The following MNAT1 variants were observed in gnomAD, a reference collection of about 807,000 sequenced individuals.
The protein encoded by MNAT1 is CDK-activating kinase assembly factor MAT1.
In MNAT1, 43 loss-of-function variants were observed where a neutral mutation model predicts 42.0. That is an observed-to-expected ratio of 1.02 (90% confidence interval 0.80 to 1.32). The LOEUF is 1.32. Ranked by LOEUF, MNAT1 falls within the 40% of genes most tolerant of loss-of-function variation. The pLI is 0.00. For synonymous variants in MNAT1, 118 were observed against 120.0 expected (o/e 0.98, Z 0.11); for missense variants, 306 against 350.4 (o/e 0.87, Z 1.01).
chr14:60,837,412 T>A (rs1174903854), intron 6 of MNAT1, among the ~76,000 whole-genome samples: 1 of 152,178 alleles, frequency 6.6e-6, no homozygotes, highest in Admixed American at 6.5e-5. Flanking sequence ...GCATAGTATC[T>A]TGGCTGGAGG....
intron 7 of MNAT1, among the ~76,000 whole-genome samples, chr14:60,952,485 A>G (rs932692207): frequency 3.3e-5 from 5 of 152,186 alleles, no homozygotes; most frequent in African/African-American, 1.2e-4. Flanking sequence ...AAATACGGTA[A>G]CAATAGTGGC....
chr14:60,805,304 T>C (rs1215262952), intron 3 of MNAT1, among the ~76,000 whole-genome samples: 2 of 152,052 alleles, frequency 1.3e-5, no homozygotes, highest in Non-Finnish European at 2.9e-5. Context: ...AGAATTCCTA[T>C]ATATCTCTTC....
intron 6 of MNAT1, among the ~76,000 whole-genome samples, chr14:60,876,428 A>G (rs1191897217): frequency 6.6e-6 from 1 of 152,120 alleles, no homozygotes; most frequent in African/African-American, 2.4e-5. Context: ...GGTAAAATAC[A>G]TGTAACATAA....
At chr14:60,908,601 C>A (rs2035270616) in intron 7 of MNAT1, among the ~76,000 whole-genome samples, 1 of 151,908 alleles carries the variant, frequency 6.6e-6, no homozygotes, top group Admixed American at 6.6e-5. Context: ...CGATAGTTTG[C>A]TGAGAATGAT....
At chr14:60,781,554 C>T (rs2031460330) in intron 1 of MNAT1, among the ~76,000 whole-genome samples, 1 of 152,068 alleles carries the variant, frequency 6.6e-6, no homozygotes, top group Non-Finnish European at 1.5e-5. Flanking sequence ...TCAGCCTTGG[C>T]CCCCACAAAG....
At chr14:60,939,846 A>C (rs551626631) in intron 7 of MNAT1, among the ~76,000 whole-genome samples, 2 of 152,218 alleles carry the variant, frequency 1.3e-5, no homozygotes, top group East Asian at 1.9e-4. Flanking sequence ...AAAGTCTCCC[A>C]TTTTTATTGT....
intron 6 of MNAT1, among the ~76,000 whole-genome samples, chr14:60,825,989 A>T (rs140119896): frequency 6.2e-4 from 95 of 152,358 alleles, no homozygotes; most frequent in East Asian, 5.6e-3. Flanking sequence ...GATGTGACAG[A>T]AAAGACTGAA....
chr14:60,826,598 C>G (rs1416401446), intron 6 of MNAT1, among the ~76,000 whole-genome samples: 2 of 152,076 alleles, frequency 1.3e-5, no homozygotes, highest in Non-Finnish European at 1.5e-5. Flanking sequence ...GGATTATAGG[C>G]ATGAGCCACC....
chr14:60,827,523 G>C (rs1295364593), intron 6 of MNAT1, among the ~76,000 whole-genome samples: 1 of 152,130 alleles, frequency 6.6e-6, no homozygotes, highest in Non-Finnish European at 1.5e-5. Flanking sequence ...AAATTACATT[G>C]AGCAGTCAGT....
intron 7 of MNAT1, among the ~76,000 whole-genome samples, chr14:60,912,009 A>G (rs1468319872): frequency 1.3e-5 from 2 of 152,006 alleles, no homozygotes; most frequent in Non-Finnish European, 2.9e-5. Context: ...GTGCTCCTGT[A>G]TTGGGTGCAT....
intron 6 of MNAT1, among the ~76,000 whole-genome samples, chr14:60,830,055 G>A (rs575259197): frequency 6.6e-5 from 10 of 152,268 alleles, no homozygotes; most frequent in South Asian, 2.1e-4. Flanking sequence ...TCACTTAATC[G>A]TGAAAACTAT....
intron 1 of MNAT1, among the ~76,000 whole-genome samples, chr14:60,741,918 G>C (rs1434284287): frequency 6.6e-6 from 1 of 151,874 alleles, no homozygotes; most frequent in Non-Finnish European, 1.5e-5. Context: ...TGGTGTACTA[G>C]TCCATTATAT....
intron 1 of MNAT1, among the ~76,000 whole-genome samples, chr14:60,782,705 A>G (rs976543524): frequency 1.6e-4 from 24 of 152,192 alleles, no homozygotes; most frequent in African/African-American, 5.1e-4. Context: ...TTTTACCCCT[A>G]TGTAGGTATT....
chr14:60,912,999 A>G (rs950784821), intron 7 of MNAT1, among the ~76,000 whole-genome samples: 5 of 152,112 alleles, frequency 3.3e-5, no homozygotes, highest in Admixed American at 6.5e-5. Context: ...ACATAGTCAC[A>G]TATTTCTTGG....
intron 3 of MNAT1, among the ~76,000 whole-genome samples, chr14:60,799,628 A>G (rs2032136865): frequency 1.3e-5 from 2 of 151,962 alleles, no homozygotes; most frequent in South Asian, 2.1e-4. Context: ...GGTGAGGAAT[A>G]GGTTTAGGGG....
At chr14:60,779,337 A>T (rs1434287541) in intron 1 of MNAT1, among the ~76,000 whole-genome samples, 1 of 152,224 alleles carries the variant, frequency 6.6e-6, no homozygotes, top group African/African-American at 2.4e-5. Context: ...TCTACTGGCA[A>T]GCTGCTTACA....
At chr14:60,939,621 T>C (rs9670725) in intron 7 of MNAT1, among the ~76,000 whole-genome samples, 10,316 of 152,320 alleles carry the variant, frequency 0.068, 459 homozygotes, top group Non-Finnish European at 0.11. Flanking sequence ...TTCTGCTCTT[T>C]TACATTTACT....
At chr14:60,921,271 C>G (rs184771862) in intron 7 of MNAT1, among the ~76,000 whole-genome samples, 2 of 152,154 alleles carry the variant, frequency 1.3e-5, no homozygotes, top group Non-Finnish European at 2.9e-5. Context: ...CTCTTGAGGT[C>G]TCTCCCAGTT....
chr14:60,861,569 A>G (rs4151274), intron 6 of MNAT1, among the ~76,000 whole-genome samples: 8,209 of 28,040 alleles, frequency 0.29, 735 homozygotes, highest in African/African-American at 0.36. Flanking sequence ...TTTTTTAAAA[A>G]AATTTGAAAA....
Sources: gnomAD v4.1 joint callset for allele counts (sites outside exome capture counted in the v4.1 genomes callset) on GRCh38, gnomAD v4.1.1 for gene constraint, MANE v1.5 for transcripts, NCBI Gene and HGNC (gene_info 2026-07-23, HGNC 2026-07-21) for gene names.